COL21A1: variants seen among roughly 807,000 people sequenced by gnomAD.
COL21A1 encodes the protein collagen type XXI alpha 1 chain, also known as collagen alpha-1(XXI) chain.
COL21A1 carries 149 observed loss-of-function variants against 137.9 expected under a neutral mutation model. That is an observed-to-expected ratio of 1.08 (90% CI 0.95 to 1.24). The LOEUF (loss-of-function observed/expected upper bound fraction) is 1.24, where lower values mean the gene tolerates loss of function less well. Ranked by LOEUF, COL21A1 falls within the 50% of genes most tolerant of loss-of-function variation. The pLI, the probability that COL21A1 is intolerant of heterozygous loss-of-function variation, is 0.00. For missense variants in COL21A1, 1,167 were observed against 1,158.4 expected (o/e 1.01, Z -0.11); for synonymous variants, 456 against 391.5 (o/e 1.16, Z -1.95).
intron 1 of COL21A1, among the ~76,000 whole-genome samples, chr6:56,340,066 G>A (rs1009369880): frequency 3.3e-5 from 5 of 151,720 alleles, no homozygotes; most frequent in Admixed American, 6.6e-5. Flanking sequence ...GAAAAAAAAC[G>A]CCATCTCAGA....
intron 17 of COL21A1, among the ~76,000 whole-genome samples, chr6:56,098,056 T>A (rs1289588466): frequency 0.024 from 99 of 4,060 alleles, no homozygotes; most frequent in Non-Finnish European, 0.031. Flanking sequence ...TATATAAATA[T>A]ATATAAATAT....
Position 56,275,172 on chromosome 6 carries a change from T to C in COL21A1, c.-38-92516A>G, listed in dbSNP as rs374252686. 5.9e-5 allele frequency among the ~76,000 whole-genome samples: 9 copies of C among 152,314 alleles called. No homozygotes were observed. In the East Asian group the frequency reaches 1.2e-3, roughly 20 times the overall value. ...AACTGACTAGCCATATGCAGAAGAC[T>C]GAAACTGGACCCCTGCCTTTCATCA... On this transcript the variant is annotated intron_variant, in intron 1 of 28. Transcript: ENST00000370819.
chr6:56,209,220 C>CA (rs1335195960), intron 1 of COL21A1, among the ~76,000 whole-genome samples: 2 of 152,130 alleles, frequency 1.3e-5, no homozygotes, highest in Admixed American at 1.3e-4. Flanking sequence ...TAGGCATGGG[C>CA]AAAGCCTTTA....
chr6:56,225,837 C>T (rs1419032103), intron 1 of COL21A1: 3 of 151,918 alleles, frequency 2.0e-5, no homozygotes, highest in African/African-American at 7.2e-5. Context: ...CAGCTAGTCA[C>T]CCAAGTGCCT....
chr6:56,387,373 A>G (rs1164084434), intron 1 of COL21A1, among the ~76,000 whole-genome samples: 1 of 152,170 alleles, frequency 6.6e-6, no homozygotes, highest in East Asian at 1.9e-4. Flanking sequence ...AGATGGCCAA[A>G]TAGAACCCTT....
At chr6:56,313,168 G>T (rs935212023) in intron 1 of COL21A1, among the ~76,000 whole-genome samples, 2 of 152,018 alleles carry the variant, frequency 1.3e-5, no homozygotes, top group Non-Finnish European at 2.9e-5. Flanking sequence ...GTGATCTAGG[G>T]TATCTGGAGA....
intron 1 of COL21A1, among the ~76,000 whole-genome samples, chr6:56,363,110 C>T (rs1766011804): frequency 6.6e-6 from 1 of 152,130 alleles, no homozygotes; most frequent in Non-Finnish European, 1.5e-5. Flanking sequence ...AATGAGTGTC[C>T]TACATATGTG....
chr6:56,079,900 G>A (rs1767597495), intron 17 of COL21A1, among the ~76,000 whole-genome samples: 1 of 151,346 alleles, frequency 6.6e-6, no homozygotes, highest in African/African-American at 2.4e-5. Context: ...ACAAAACATA[G>A]GCCTGATTTA....
intron 1 of COL21A1, among the ~76,000 whole-genome samples, chr6:56,216,016 T>C (rs891102084): frequency 4.6e-5 from 7 of 152,088 alleles, no homozygotes; most frequent in Non-Finnish European, 8.8e-5. Context: ...ATTCCTTACA[T>C]GTTACAGGCA....
chr6:56,124,925 A>T (rs2764049), intron 14 of COL21A1, among the ~76,000 whole-genome samples: 7 of 149,184 alleles, frequency 4.7e-5, no homozygotes, highest in Non-Finnish European at 8.9e-5. Context: ...GATTACAGGC[A>T]TGAGCCACCG....
At chr6:56,067,254 A>G (rs1180900811) in intron 23 of COL21A1, 41 bp downstream of exon 23, 3 of 1,534,110 alleles carry the variant, frequency 2.0e-6, no homozygotes, top group East Asian at 2.3e-5. Flanking sequence ...AAAAGCTCTG[A>G]TTTTATTGCT....
chr6:56,171,852 T>A (rs1472480256), intron 3 of COL21A1, among the ~76,000 whole-genome samples: 1 of 151,918 alleles, frequency 6.6e-6, no homozygotes, highest in African/African-American at 2.4e-5. Context: ...ATGATATACT[T>A]TAGCTGAAGT....
At chr6:56,326,443 A>C (rs1298073800) in intron 1 of COL21A1, among the ~76,000 whole-genome samples, 1 of 151,880 alleles carries the variant, frequency 6.6e-6, no homozygotes, top group Non-Finnish European at 1.5e-5. Flanking sequence ...AAGTAGCTGC[A>C]ACATGGGCTG....
intron 1 of COL21A1, among the ~76,000 whole-genome samples, chr6:56,229,813 C>T (rs1000974112): frequency 2.6e-5 from 4 of 151,904 alleles, no homozygotes; most frequent in African/African-American, 9.7e-5. Context: ...GACTGTGTAC[C>T]TGAAATTTAT....
rs375018996 is a variant in COL21A1, at chr6:56,168,115, T to C, written c.1200+9A>G. 167 of 1,471,150 alleles carry C rather than the reference T, an allele frequency of 1.1e-4. No individual in the cohort carries two copies. The highest frequency in any genetic ancestry group is 1.5e-4 in the Non-Finnish European group (161 of 1,099,890). The allele number at this position is 1,471,150 out of a possible 1,614,324, so 91.1% of individuals were successfully genotyped here. ...ATATAATTCAAAGAGTAAATCATTA[T>C]TTATCTACCTGAACAGTTTCTTCTT... On this transcript the variant is annotated intron_variant, in intron 6 of 29. Transcript: ENST00000244728.
intron 1 of COL21A1, among the ~76,000 whole-genome samples, chr6:56,321,029 A>T (rs926808445): frequency 6.6e-6 from 1 of 152,178 alleles, no homozygotes; most frequent in African/African-American, 2.4e-5. Context: ...CACTGATGAA[A>T]AAAACAAATT....
intron 1 of COL21A1, among the ~76,000 whole-genome samples, chr6:56,372,470 G>C (rs1307543132): frequency 6.6e-6 from 1 of 152,106 alleles, no homozygotes; most frequent in Non-Finnish European, 1.5e-5. Flanking sequence ...AGAAAGTATT[G>C]GCAGGGAGAA....
chr6:56,138,117 T>C (rs1054803411), intron 12 of COL21A1, among the ~76,000 whole-genome samples: 1 of 152,080 alleles, frequency 6.6e-6, no homozygotes, highest in African/African-American at 2.4e-5. Context: ...AACCTAATAG[T>C]AACACCACTT....
chr6:56,162,733 A>C (rs1000791603), intron 9 of COL21A1, among the ~76,000 whole-genome samples: 2 of 152,218 alleles, frequency 1.3e-5, no homozygotes, highest in Non-Finnish European at 2.9e-5. Flanking sequence ...TTTATGTATA[A>C]TATTCCAAGG....
Sources: gnomAD v4.1 joint callset for allele counts (sites outside exome capture counted in the v4.1 genomes callset) on GRCh38, gnomAD v4.1.1 for gene constraint, MANE v1.5 for transcripts, NCBI Gene and HGNC (gene_info 2026-07-23, HGNC 2026-07-21) for gene names.